The following SOX5 variants were observed in gnomAD, a reference collection of about 807,000 sequenced individuals.
The protein encoded by SOX5 is SRY-box transcription factor 5.
A neutral mutation model predicts 92.0 loss-of-function variants in SOX5; 9 were observed. The observed-to-expected ratio is 0.10, with a 90% confidence interval of 0.06 to 0.17. The LOEUF is 0.17. SOX5 is among the 10% of genes least tolerant of loss of function. SOX5 has a pLI of 1.00. For missense variants in SOX5, 642 were observed against 944.5 expected, an observed-to-expected ratio of 0.68 and a Z score of 4.20; for synonymous variants, 344 against 336.3, an observed-to-expected ratio of 1.02 and a Z score of -0.25.
In SOX5 at chr12:24,212,640, T is replaced by C. The variant is rs184068823; in HGVS notation, c.-2+703A>G. The C allele has an allele frequency of 1.4e-5, 5 of 358,846 alleles. No individual in the cohort carries two copies. In the East Asian group the frequency reaches 4.2e-4, roughly 30 times the overall value. 22.2% of individuals were successfully genotyped at this position (358,846 alleles called of 1,614,324 possible). ...GGACCCAGGAATGAACACACAGCCA[T>C]TAGCCACAATCATGGCAATGGGGAC... On this transcript the variant is annotated intron_variant, in intron 4 of 4. Transcript: ENST00000446891.
intron 6 of SOX5, among the ~76,000 whole-genome samples, chr12:23,730,122 C>G (rs1301342551): frequency 3.3e-5 from 5 of 151,558 alleles, no homozygotes; most frequent in African/African-American, 1.2e-4. Context: ...AACTAACTAT[C>G]AATATTAGAA....
chr12:24,422,903 C>T (rs1449421039), intron 1 of SOX5, among the ~76,000 whole-genome samples: 1 of 152,120 alleles, frequency 6.6e-6, no homozygotes, highest in East Asian at 1.9e-4. Context: ...TCCAGCTACT[C>T]AGGAGGCTGA....
At chr12:24,103,821 G>T (rs1946368809) in intron 4 of SOX5, among the ~76,000 whole-genome samples, 1 of 152,134 alleles carries the variant, frequency 6.6e-6, no homozygotes, top group Non-Finnish European at 1.5e-5. Context: ...ATGCAAGATG[G>T]AATGGAGACG....
chr12:24,264,333 T>C (rs1942700500), intron 3 of SOX5, among the ~76,000 whole-genome samples: 1 of 152,190 alleles, frequency 6.6e-6, no homozygotes, highest in Non-Finnish European at 1.5e-5. Context: ...CATTTTCTTT[T>C]AAAAAATTTT....
chr12:24,395,179 A>G (rs1397833037), intron 1 of SOX5, among the ~76,000 whole-genome samples: 1 of 152,080 alleles, frequency 6.6e-6, no homozygotes, highest in African/African-American at 2.4e-5. Flanking sequence ...TACCACAGGG[A>G]TGAGAACTTC....
chr12:23,814,284 G>C (rs1395607589), intron 3 of SOX5, among the ~76,000 whole-genome samples: 1 of 152,084 alleles, frequency 6.6e-6, no homozygotes, highest in Non-Finnish European at 1.5e-5. Flanking sequence ...TCACATACTT[G>C]CTGGTAACTA....
chr12:24,113,332 G>A (rs893272811), intron 4 of SOX5, among the ~76,000 whole-genome samples: 4 of 149,398 alleles, frequency 2.7e-5, no homozygotes, highest in East Asian at 2.0e-4. Context: ...AGAGGTAAAT[G>A]TTATTTTGAA....
chr12:24,524,340 C>CATCTATCTATCTA (rs1950508038), intron 1 of SOX5, among the ~76,000 whole-genome samples: 1 of 145,150 alleles, frequency 6.9e-6, no homozygotes, highest in Non-Finnish European at 1.5e-5. Context: ...AATCCCCTCC[C>CATCTATCTATCTA]ATCTATCTAT....
chr12:23,858,387 G>A lies in SOX5; in HGVS notation c.271-12194C>T, dbSNP rs1385998840. ...CTATTTAAAATTGGGCAAGGGACAT[G>A]AACAAACACTTCTCAAAAGAAGACG... On this transcript the variant is annotated intron_variant, in intron 2 of 14. Coordinates refer to ENST00000451604, the MANE Select transcript of SOX5 (RefSeq NM_006940.6). Among the ~76,000 whole-genome samples the A allele has an allele frequency of 2.6e-5, 4 of 152,094 alleles. No homozygotes were observed. The East Asian group carries it at 7.7e-4, about 29-fold the overall frequency.
intron 1 of SOX5, among the ~76,000 whole-genome samples, chr12:23,943,971 T>C (rs759290678): frequency 3.3e-5 from 5 of 152,134 alleles, no homozygotes; most frequent in Non-Finnish European, 7.4e-5. Flanking sequence ...GTAATTCTCA[T>C]GAAGTACAGA....
At chr12:24,051,967 C>T (rs184629947) in intron 4 of SOX5, among the ~76,000 whole-genome samples, 13 of 152,310 alleles carry the variant, frequency 8.5e-5, no homozygotes, top group African/African-American at 3.1e-4. Flanking sequence ...GTCCAGTGGC[C>T]TGTTCTCCGG....
At chr12:24,359,612 A>C (rs1029532575) in intron 2 of SOX5, among the ~76,000 whole-genome samples, 5 of 152,270 alleles carry the variant, frequency 3.3e-5, no homozygotes, top group African/African-American at 1.2e-4. Context: ...TTCTATTGCA[A>C]CATATTGCAT....
At chr12:23,842,866 G>A (rs1031210981) in intron 3 of SOX5, among the ~76,000 whole-genome samples, 23 of 152,206 alleles carry the variant, frequency 1.5e-4, no homozygotes, top group African/African-American at 3.9e-4. Flanking sequence ...TCCCTATTCC[G>A]TAAGTGTGGC....
intron 11 of SOX5, among the ~76,000 whole-genome samples, chr12:23,548,270 G>A (rs886639933): frequency 6.6e-5 from 10 of 152,072 alleles, no homozygotes; most frequent in Non-Finnish European, 1.3e-4. Context: ...AAGGTTCTGA[G>A]TTCAGCTCTA....
intron 4 of SOX5, among the ~76,000 whole-genome samples, chr12:24,035,647 C>T (rs1955955940): frequency 6.6e-6 from 1 of 152,030 alleles, no homozygotes; most frequent in African/African-American, 2.4e-5. Context: ...AAATCACACT[C>T]CTTCAACTCC....
chr12:24,258,375 ACAT>A (rs1400983994), intron 3 of SOX5, among the ~76,000 whole-genome samples: 8 of 152,246 alleles, frequency 5.3e-5, no homozygotes, highest in African/African-American at 1.9e-4. Context: ...ATTTTAGACG[ACAT>A]CATGCATAAA....
intron 2 of SOX5, among the ~76,000 whole-genome samples, chr12:23,885,174 A>T (rs1020213222): frequency 2.0e-5 from 3 of 152,158 alleles, no homozygotes; most frequent in African/African-American, 7.2e-5. Context: ...TGCAGAGGGA[A>T]AGGTCTAGTA....
rs1951381107 is a variant in SOX5 at position 24,533,635 on chromosome 12, A to C, written c.-251+28694T>G. On this transcript the variant is annotated intron_variant, in intron 1 of 4. Coordinates refer to the SOX5 transcript ENST00000446891. ...ATAAAAACAAACTAGAAGTAATATGAAAGCTTTTTTAAAAACTGTTATTGC... is the reference window on the plus strand; with the variant it reads ...ATAAAAACAAACTAGAAGTAATATGCAAGCTTTTTTAAAAACTGTTATTGC... Among the ~76,000 whole-genome samples, 3 of 152,194 alleles carry C rather than the reference A, an allele frequency of 2.0e-5. No individual in the cohort carries two copies. The South Asian group carries it at 6.2e-4, about 32-fold the overall frequency.
chr12:23,704,105 C>A (rs1254608278), intron 6 of SOX5, among the ~76,000 whole-genome samples: 1 of 151,800 alleles, frequency 6.6e-6, no homozygotes, highest in Non-Finnish European at 1.5e-5. Context: ...ATTATCATTA[C>A]CCTTCCTTTT....
Sources: gnomAD v4.1 joint callset for allele counts (sites outside exome capture counted in the v4.1 genomes callset) on GRCh38, gnomAD v4.1.1 for gene constraint, MANE v1.5 for transcripts, NCBI Gene and HGNC (gene_info 2026-07-23, HGNC 2026-07-21) for gene names.